COP1: variants seen among roughly 807,000 people sequenced by gnomAD.
The protein encoded by COP1 is E3 ubiquitin-protein ligase COP1.
COP1 carries 24 observed loss-of-function variants against 101.3 expected under a neutral mutation model. The observed-to-expected ratio is 0.24, with a 90% CI of 0.17 to 0.33. The LOEUF is 0.33. Ranked by LOEUF, COP1 falls within the 10% of genes least tolerant of loss-of-function variation. The probability of loss-of-function intolerance (pLI) is 1.00; values close to 1 mark genes in which losing one functional copy is unlikely to be tolerated. For synonymous variants in COP1, 347 were observed against 341.9 expected (o/e 1.01, Z -0.17); for missense variants, 663 against 906.2 (o/e 0.73, Z 3.45).
chr1:176,203,252 G>A (rs1700467139), intron 1 of COP1, among the ~76,000 whole-genome samples: 1 of 152,082 alleles, frequency 6.6e-6, no homozygotes, highest in African/African-American at 2.4e-5. Flanking sequence ...CAGGAGAATG[G>A]CGTGAACCCG....
chr1:176,174,007 A>AAAAAAAAAAGAG (rs1456552067), intron 3 of COP1, among the ~76,000 whole-genome samples: 9 of 121,928 alleles, frequency 7.4e-5, no homozygotes, highest in African/African-American at 1.1e-4. Context: ...AAAAAAAAAA[A>AAAAAAAAAAGAG]AGAGAATATA....
chr1:176,017,395 C>G (rs1665848923), intron 15 of COP1: 1 of 152,150 alleles, frequency 6.6e-6, no homozygotes, highest in Non-Finnish European at 1.5e-5. Context: ...TGCGACAGGA[C>G]TGGGGTGGGA....
At chr1:176,027,098 CTA>C (rs1667796092) in intron 15 of COP1, among the ~76,000 whole-genome samples, 3 of 152,078 alleles carry the variant, frequency 2.0e-5, no homozygotes, top group Non-Finnish European at 4.4e-5. Flanking sequence ...TTTTTGAATA[CTA>C]TGTTAGCATG....
Position 176,021,702 on chromosome 1 carries a change from C to T in COP1, c.1729+5870G>A, listed in dbSNP as rs148601804. Among the ~76,000 whole-genome samples, 399 of 152,246 alleles carry T rather than the reference C, an allele frequency of 2.6e-3. 3 individuals are homozygous for T. The highest frequency in any genetic ancestry group is 9.2e-3 in the African/African-American group (382 of 41,562). On this transcript the variant is annotated intron_variant, in intron 15 of 19. Transcript: ENST00000367669. ...AAGAACTGAAAAGGCCTAGCTGGGA[C>T]CCTTTAACACTACTACTGCTGCTTT...
At chr1:176,206,050 C>T (rs1310948690) in intron 1 of COP1, among the ~76,000 whole-genome samples, 1 of 152,174 alleles carries the variant, frequency 6.6e-6, no homozygotes, top group Admixed American at 6.5e-5. Flanking sequence ...TTATAAAAAG[C>T]ATGTCTTTAT....
At chr1:175,972,228 C>A (rs1325942685) in intron 18 of COP1, among the ~76,000 whole-genome samples, 1 of 151,946 alleles carries the variant, frequency 6.6e-6, no homozygotes, top group East Asian at 1.9e-4. Context: ...AATTCCTATC[C>A]CAAGTAACTA....
At chr1:175,962,629 T>C (rs1350243872) in intron 18 of COP1, among the ~76,000 whole-genome samples, 1 of 152,118 alleles carries the variant, frequency 6.6e-6, no homozygotes, top group African/African-American at 2.4e-5. Flanking sequence ...TCAAATAAAT[T>C]TGTATGCCTT....
At chr1:176,077,733 G>T (rs1327226495) in intron 11 of COP1, among the ~76,000 whole-genome samples, 1 of 152,130 alleles carries the variant, frequency 6.6e-6, no homozygotes, top group Non-Finnish European at 1.5e-5. Flanking sequence ...CTGACAGTAT[G>T]ATTCTATACA....
chr1:176,180,350 T>C (rs1276034383), intron 2 of COP1, among the ~76,000 whole-genome samples: 1 of 152,168 alleles, frequency 6.6e-6, no homozygotes, highest in Admixed American at 6.5e-5. Context: ...CCAGTAACTC[T>C]AATTCATTCT....
intron 8 of COP1, among the ~76,000 whole-genome samples, chr1:176,120,101 C>G (rs1686862592): frequency 6.6e-6 from 1 of 152,122 alleles, no homozygotes; most frequent in African/African-American, 2.4e-5. Context: ...AAATGAAAAA[C>G]AGTAACCTAT....
At chr1:176,077,557 C>A (rs1338099097) in intron 11 of COP1, among the ~76,000 whole-genome samples, 1 of 152,068 alleles carries the variant, frequency 6.6e-6, no homozygotes, top group Non-Finnish European at 1.5e-5. Flanking sequence ...AGTGAATGGG[C>A]AAAAGCTGAA....
chr1:176,190,529 T>TA lies in COP1; in HGVS notation c.408-5838dup, dbSNP rs11284970. On this transcript the variant is annotated intron_variant, in intron 1 of 19. Coordinates refer to ENST00000367669, the MANE Select transcript of COP1 (RefSeq NM_022457.7). ...GATAATGTATGTCACTTGGGACATT[T>TA]AAAAAAAAAAAAAACAGTACAGAAC... Among the ~76,000 whole-genome samples, 149 of 145,682 alleles carry TA rather than the reference T, an allele frequency of 1.0e-3. 1 individual carries two copies. Among genetic ancestry groups the TA allele is most frequent in the African/African-American group, 2.7e-3 (109 of 39,640 alleles).
chr1:176,004,732 T>A lies in COP1; in HGVS notation c.1730-15253A>T, dbSNP rs549815804. Among the ~76,000 whole-genome samples the A allele has an allele frequency of 2.7e-5, 4 of 148,668 alleles. No homozygotes were observed. In the East Asian group the frequency reaches 6.1e-4, roughly 23 times the overall value. On this transcript the variant is annotated intron_variant, in intron 15 of 19. Coordinates refer to ENST00000367669, the MANE Select transcript of COP1 (RefSeq NM_022457.7). ...TGATCATGGTGGATAAGCTTTTTGA[T>A]GTGCTGCGGGATTCGTTTTGCCAGT...
intron 8 of COP1, among the ~76,000 whole-genome samples, chr1:176,120,936 ACT>A (rs2149630132): frequency 6.6e-6 from 1 of 152,312 alleles, no homozygotes; most frequent in South Asian, 2.1e-4. Flanking sequence ...AATAAAGCAC[ACT>A]GAGATCATTT....
At chr1:176,045,383 A>G (rs1571893576) in intron 12 of COP1, among the ~76,000 whole-genome samples, 1 of 152,194 alleles carries the variant, frequency 6.6e-6, no homozygotes, top group Non-Finnish European at 1.5e-5. Context: ...AGAAAAAAGA[A>G]AGTTATAACA....
chr1:176,045,800 T>C (rs1671417857), intron 12 of COP1, among the ~76,000 whole-genome samples: 1 of 151,960 alleles, frequency 6.6e-6, no homozygotes, highest in African/African-American at 2.4e-5. Context: ...CTAGAAACAA[T>C]TCTAATATGT....
intron 5 of COP1, among the ~76,000 whole-genome samples, chr1:176,162,167 A>C (rs975515455): frequency 1.4e-4 from 22 of 152,274 alleles, no homozygotes; most frequent in African/African-American, 3.6e-4. Context: ...CCATGGTTCT[A>C]ATCTTCTCAA....
chr1:176,127,801 T>G (rs1257833212), intron 8 of COP1, among the ~76,000 whole-genome samples: 1 of 152,116 alleles, frequency 6.6e-6, no homozygotes, highest in African/African-American at 2.4e-5. Flanking sequence ...CTATTTTTAG[T>G]TTTTTGAGGA....
At chr1:176,082,284 TAC>T (rs148558055) in intron 10 of COP1, among the ~76,000 whole-genome samples, 13 of 151,932 alleles carry the variant, frequency 8.6e-5, no homozygotes, top group Non-Finnish European at 1.6e-4. Context: ...AGCCCATACA[TAC>T]ACACACACAC....
Sources: allele counts gnomAD v4.1 joint callset (sites outside exome capture counted in the v4.1 genomes callset), GRCh38; gene constraint gnomAD v4.1.1; transcripts MANE v1.5; gene names NCBI Gene and HGNC (gene_info 2026-07-23, HGNC 2026-07-21).